SYNJ2: variants seen among roughly 807,000 people sequenced by gnomAD.
SYNJ2 encodes polyphosphatidylinositol phosphatase SYNJ2.
A neutral mutation model predicts 141.3 loss-of-function variants in SYNJ2; 116 were observed. That is an observed-to-expected ratio of 0.82 (90% CI 0.71 to 0.96). The LOEUF (loss-of-function observed/expected upper bound fraction) is 0.96, where lower values mean the gene tolerates loss of function less well. SYNJ2 is among the 40% of genes least tolerant of loss of function. The probability of loss-of-function intolerance (pLI) is 0.00; values close to 1 mark genes in which losing one functional copy is unlikely to be tolerated. For missense variants in SYNJ2, 1,873 were observed against 1,934.8 expected, an observed-to-expected ratio of 0.97 and a Z score of 0.60; for synonymous variants, 745 against 777.7, an observed-to-expected ratio of 0.96 and a Z score of 0.70.
intron 21 of SYNJ2, 127 bp downstream of exon 21, chr6:158,083,724 C>T (rs184003976): frequency 3.2e-6 from 4 of 1,252,814 alleles, no homozygotes; most frequent in Admixed American, 2.0e-5. Flanking sequence ...AGCCCTCTGT[C>T]CCATGTGATG....
chr6:158,028,670 G>T (rs1301445202), intron 2 of SYNJ2, 86 bp from the exon 3 acceptor site: 3 of 1,542,892 alleles, frequency 1.9e-6, no homozygotes, highest in Non-Finnish European at 2.6e-6. Flanking sequence ...GGCTGCGGTT[G>T]AACCTGGGCT....
rs9286716 is a variant in SYNJ2, at chr6:158,073,901, G to T, written c.2134-679G>T. Among the ~76,000 whole-genome samples the T allele has an allele frequency of 1.3e-3, 48 of 38,282 alleles. No homozygotes were observed. In the South Asian group the frequency reaches 0.02, roughly 16 times the overall value. 25.1% of individuals were successfully genotyped at this position (38,282 alleles called of 152,430 possible). On this transcript the variant is annotated intron_variant, in intron 15 of 26. Coordinates refer to ENST00000355585, the MANE Select transcript of SYNJ2 (RefSeq NM_003898.4). Reference sequence around the variant, plus strand: ...GCAAGTGCCTTTGTTTCTGAACTTTGTTTTTTTTTTTTTAATCTAAGAGAG... The same window carrying T: ...GCAAGTGCCTTTGTTTCTGAACTTTTTTTTTTTTTTTTTAATCTAAGAGAG...
At chr6:158,053,971 C>T (rs1295706026) in intron 5 of SYNJ2, among the ~76,000 whole-genome samples, 1 of 151,156 alleles carries the variant, frequency 6.6e-6, no homozygotes, top group Non-Finnish European at 1.5e-5. Flanking sequence ...CATCCACCCA[C>T]CCATCCATCC....
Position 157,982,899 on chromosome 6 carries a change from G to A in SYNJ2, c.127+811G>A, listed in dbSNP as rs772142266. On this transcript the variant is annotated intron_variant, in intron 1 of 26. Transcript: ENST00000355585. The surrounding 1 kb of genome is among the most constrained non-coding windows in gnomAD (Gnocchi z 4.0). ...ATTCAATGCGTGGCTTCCTGGTATCGCTAACCTGGGTCCCTTGTTTTGTGC... is the reference window on the plus strand; with the variant it reads ...ATTCAATGCGTGGCTTCCTGGTATCACTAACCTGGGTCCCTTGTTTTGTGC... Among the ~76,000 whole-genome samples, 10 of 152,162 alleles carry A rather than the reference G, an allele frequency of 6.6e-5. No homozygotes were observed. Among genetic ancestry groups the A allele is most frequent in the Non-Finnish European group, 1.3e-4 (9 of 68,030 alleles).
chr6:158,077,075 A>C (rs1389048307), intron 17 of SYNJ2, among the ~76,000 whole-genome samples: 4 of 150,732 alleles, frequency 2.7e-5, no homozygotes, highest in Non-Finnish European at 5.9e-5. Context: ...GGCTCACCAC[A>C]ACCTCCACCT....
intron 1 of SYNJ2, among the ~76,000 whole-genome samples, chr6:158,011,947 T>C (rs1339718586): frequency 6.6e-6 from 1 of 152,184 alleles, no homozygotes; most frequent in Non-Finnish European, 1.5e-5. Flanking sequence ...ATTTATCAGT[T>C]TATCTACTGA....
chr6:157,984,600 T>C (rs890582794), intron 1 of SYNJ2, among the ~76,000 whole-genome samples: 3 of 151,942 alleles, frequency 2.0e-5, no homozygotes. Flanking sequence ...GACGGGGTTG[T>C]GCCATTTTGG....
At chr6:158,067,327 A>T in intron 12 of SYNJ2, 1 of 686,830 alleles carries the variant, frequency 1.5e-6, no homozygotes, top group Non-Finnish European at 1.8e-6. Flanking sequence ...CCCTGCCTTC[A>T]GTGTTGATAT....
intron 1 of SYNJ2, among the ~76,000 whole-genome samples, chr6:157,993,342 G>A (rs1474818277): frequency 6.6e-6 from 1 of 152,172 alleles, no homozygotes; most frequent in Non-Finnish European, 1.5e-5. Flanking sequence ...TTTGAGAAAT[G>A]TACATTCAAA....
chr6:158,072,212 T>C (rs1781976523), intron 15 of SYNJ2, among the ~76,000 whole-genome samples: 2 of 152,224 alleles, frequency 1.3e-5, no homozygotes, highest in Non-Finnish European at 1.5e-5. Flanking sequence ...GTACTTTCTG[T>C]GGTGGCTCAG....
chr6:158,035,701 A>T (rs187543327), intron 4 of SYNJ2, among the ~76,000 whole-genome samples: 3 of 152,322 alleles, frequency 2.0e-5, no homozygotes, highest in African/African-American at 4.8e-5. Flanking sequence ...TATGTTAAAT[A>T]GGAGTGATGA....
rs1780074993 is a variant in SYNJ2, at chr6:158,043,614, T to C, written c.795+215T>C. ...TGTGTAGAAAACACAGACACCACTT[T>C]GTTGTTTCTGGTCGTCAAGGATGCT... On this transcript the variant is annotated intron_variant, in intron 5 of 26. Coordinates refer to ENST00000355585, the MANE Select transcript of SYNJ2 (RefSeq NM_003898.4). This position sits in a 1 kb window ranked among gnomAD's most constrained non-coding sequence, Gnocchi z 4.0. Among the ~76,000 whole-genome samples the C allele has an allele frequency of 6.6e-6, 1 of 152,228 alleles. No individual in the cohort carries two copies. The highest frequency in any genetic ancestry group is 2.1e-4 in the South Asian group (1 of 4,834).
rs1414067107 is a variant in SYNJ2 at position 158,069,411 on chromosome 6, G to T, written c.1800-122G>T. ...AAGGAAAGCATGACACTAATATTGG[G>T]GTGCGGGCAGCGTGAAATCAGTTCT... On this transcript the variant is annotated intron_variant, in intron 13 of 26. Coordinates refer to ENST00000355585, the MANE Select transcript of SYNJ2 (RefSeq NM_003898.4). 14 of 1,224,076 alleles carry T rather than the reference G, an allele frequency of 1.1e-5. No individual in the cohort carries two copies. In the Admixed American group the frequency reaches 1.9e-4, roughly 17 times the overall value. 75.8% of individuals were successfully genotyped at this position (1,224,076 alleles called of 1,614,324 possible).
intron 13 of SYNJ2, 50 bp downstream of exon 13, chr6:158,068,778 C>G: frequency 6.2e-7 from 1 of 1,601,730 alleles, no homozygotes; most frequent in Non-Finnish European, 8.5e-7. Context: ...GAGTCAGGTG[C>G]CTGGCTGGGA....
intron 1 of SYNJ2, among the ~76,000 whole-genome samples, chr6:158,009,970 G>A (rs1435334964): frequency 6.6e-6 from 1 of 152,236 alleles, no homozygotes; most frequent in Non-Finnish European, 1.5e-5. Flanking sequence ...TTGAGACAGG[G>A]TAGTGGTACA....
At chr6:158,001,585 G>A (rs112341994) in intron 1 of SYNJ2, 68,098 of 151,424 alleles carry the variant, frequency 0.45, 15,656 homozygotes, top group African/African-American at 0.54. Flanking sequence ...TTTTTAGTAG[G>A]GACGGGGTTT....
chr6:158,071,341 T>G lies in SYNJ2; in HGVS notation c.1941-261T>G, dbSNP rs1162605243. 6.6e-6 allele frequency among the ~76,000 whole-genome samples: 1 copy of G among 152,178 alleles called. No individual in the cohort carries two copies. The highest frequency in any genetic ancestry group is 1.5e-5 in the Non-Finnish European group (1 of 68,026). ...CTGGGCGGATGCAGGCATTGCCCTG[T>G]CTTCGGCTTCATGGGGTGCTCAAGT... is the stretch of plus-strand genomic sequence containing the variant. On this transcript the variant is annotated intron_variant, in intron 14 of 26. Coordinates refer to ENST00000355585, the MANE Select transcript of SYNJ2 (RefSeq NM_003898.4). This position sits in a 1 kb window ranked among gnomAD's most constrained non-coding sequence, Gnocchi z 4.3.
In SYNJ2 at chr6:158,043,325, A is replaced by T; in HGVS notation, c.721A>T (p.Met241Leu). 1 of 1,613,938 alleles carries T rather than the reference A, an allele frequency of 6.2e-7. No homozygotes were observed. Residue 241 changes from methionine (M) to leucine (L), a missense_variant, in exon 5 of 27, where the codon ATG becomes TTG. By Grantham distance (15) the Met-to-Leu change is conservative (BLOSUM62 2). Transcript: ENST00000355585. The surrounding 1 kb of genome is among the most constrained non-coding windows in gnomAD (Gnocchi z 4.0). The part of the protein sequence containing the change: ...NFVETEQMIY[M>L]DDGVSSFVQI... ...TTTCCTTGTGCCGCAGATGATTTAC[A>T]TGGACGATGGAGTGTCATCTTTTGT...
rs112872054 is a variant in SYNJ2, at chr6:158,046,065, C to T, written c.795+2666C>T. On this transcript the variant is annotated intron_variant, in intron 5 of 26. Transcript: ENST00000355585. ...TCAAGAGATTCTCCTGCCTCAGCCT[C>T]ACAAGTAGCTGGGGTTACAGGCACC... is the stretch of plus-strand genomic sequence containing the variant. Among the ~76,000 whole-genome samples the T allele has an allele frequency of 8.1e-3, 1,237 of 152,330 alleles. 17 individuals carry two copies. Among genetic ancestry groups the T allele is most frequent in the African/African-American group, 0.027 (1,139 of 41,566 alleles).
Sources: gnomAD v4.1 joint callset for allele counts (sites outside exome capture counted in the v4.1 genomes callset) on GRCh38, gnomAD v4.1.1 for gene constraint, Gnocchi (gnomAD v3.1) non-coding constraint, MANE v1.5 for transcripts, NCBI Gene and HGNC (gene_info 2026-07-23, HGNC 2026-07-21) for gene names.